FREM1: variants seen among roughly 807,000 people sequenced by gnomAD.
The protein encoded by FREM1 is FRAS1-related extracellular matrix protein 1.
In FREM1, 220 loss-of-function variants were observed where a neutral mutation model predicts 210.1. The ratio of observed to expected loss-of-function variants is 1.05; its 90% CI spans 0.94 to 1.17. FREM1 has a LOEUF of 1.17. Among genes scored for constraint, FREM1 ranks in the 50% most tolerant of loss-of-function variants. The pLI is 0.00. For synonymous variants in FREM1, 1,189 were observed against 980.2 expected (o/e 1.21, Z -3.98); for missense variants, 3,454 against 2,675.5 (o/e 1.29, Z -6.42).
intron 18 of FREM1, 44 bp downstream of exon 18, chr9:14,806,617 A>C (rs748860303): frequency 1.7e-6 from 2 of 1,145,296 alleles, no homozygotes; most frequent in Non-Finnish European, 2.6e-6. Context: ...GCTTCCATAA[A>C]TATAAGGAAG....
Position 14,746,434 on chromosome 9 carries a change from T to C in FREM1, c.6173A>G (p.His2058Arg), listed in dbSNP as rs984276492. 6.2e-7 allele frequency: 1 copy of C among 1,613,882 alleles called. No homozygotes were observed. The highest frequency in any genetic ancestry group is 1.1e-5 in the South Asian group (1 of 91,080). ...GATGTGACAGTAGCCTGAGTGCTGG[T>C]GCCACCCGGCTGGACAGGATTTGTC... The part of the protein sequence containing the change: ...VEDKSCPAGW[H>R]QHSGYCHILI... Residue 2058 changes from histidine to arginine, a missense_variant, in exon 35 of 37, where the codon CAC becomes CGC. Coordinates refer to ENST00000380880, the MANE Select transcript of FREM1 (RefSeq NM_001379081.2).
At position 14,747,122 on chromosome 9, in the gene FREM1, T is replaced by C. The variant is rs1171627435; in HGVS notation, c.6010-71A>G. ...AAAGTTGCTCACACATTCACCTCCTTTGGGTCTTCATTTGTTGGGAAGCAT... is the reference window on the plus strand; with the variant it reads ...AAAGTTGCTCACACATTCACCTCCTCTGGGTCTTCATTTGTTGGGAAGCAT... On this transcript the variant is annotated intron_variant, in intron 33 of 36. Transcript: ENST00000380880. 11 of 1,602,382 alleles carry C rather than the reference T, an allele frequency of 6.9e-6. No individual in the cohort carries two copies. The African/African-American group carries it at 1.5e-4, about 21-fold the overall frequency.
At chr9:14,900,298 T>C (rs1482410249) in intron 1 of FREM1, among the ~76,000 whole-genome samples, 2 of 152,186 alleles carry the variant, frequency 1.3e-5, no homozygotes, top group African/African-American at 4.8e-5. Context: ...CTCCAGGTGA[T>C]TCTAATGAGC....
intron 34 of FREM1, 67 bp from the exon 35 acceptor site, chr9:14,746,535 G>A: frequency 2.5e-6 from 3 of 1,187,684 alleles, no homozygotes; most frequent in Admixed American, 1.7e-5. Flanking sequence ...TCAGCATAAG[G>A]AGTCCTACGA....
chr9:14,817,890 A>G (rs1820589234), intron 14 of FREM1, among the ~76,000 whole-genome samples: 1 of 152,096 alleles, frequency 6.6e-6, no homozygotes, highest in Non-Finnish European at 1.5e-5. Flanking sequence ...TCAAAACTAT[A>G]TTGGTGAGTG....
chr9:14,816,356 C>T (rs554817826), intron 15 of FREM1, among the ~76,000 whole-genome samples: 5 of 152,070 alleles, frequency 3.3e-5, no homozygotes, highest in Admixed American at 2.0e-4. Context: ...CTTTGGAGGC[C>T]GTAGGTTTCA....
At chr9:14,811,458 C>G (rs1215879455) in intron 16 of FREM1, among the ~76,000 whole-genome samples, 3 of 152,114 alleles carry the variant, frequency 2.0e-5, no homozygotes, top group African/African-American at 7.2e-5. Flanking sequence ...CCTTTTCTGC[C>G]AGTCTATTTC....
At chr9:14,864,329 C>T (rs1466884969) in intron 2 of FREM1, among the ~76,000 whole-genome samples, 1 of 152,172 alleles carries the variant, frequency 6.6e-6, no homozygotes, top group Non-Finnish European at 1.5e-5. Context: ...CACAAACACA[C>T]TGTATTCTTT....
chr9:14,893,365 C>T (rs1837199198), intron 1 of FREM1, among the ~76,000 whole-genome samples: 1 of 152,166 alleles, frequency 6.6e-6, no homozygotes, highest in South Asian at 2.1e-4. Flanking sequence ...GAATGCGGGC[C>T]TAGGACCCCA....
intron 4 of FREM1, among the ~76,000 whole-genome samples, chr9:14,857,951 C>T (rs1024785280): frequency 6.6e-6 from 1 of 152,136 alleles, no homozygotes; most frequent in Non-Finnish European, 1.5e-5. Context: ...GACCAGTTGT[C>T]TCATCGTGCC....
chr9:14,769,950 T>C (rs1028595746), intron 26 of FREM1, 82 bp from the exon 27 acceptor site: 3 of 660,296 alleles, frequency 4.5e-6, no homozygotes, highest in Non-Finnish European at 4.9e-6. Flanking sequence ...GGCTATTTTA[T>C]TTTAAACACA....
At chr9:14,828,679 T>A (rs1482981195) in intron 10 of FREM1, among the ~76,000 whole-genome samples, 1 of 151,870 alleles carries the variant, frequency 6.6e-6, no homozygotes, top group Admixed American at 6.6e-5. Flanking sequence ...ATGGCTTATT[T>A]ATGTATAAAT....
At chr9:14,744,488 T>C (rs1466414147) in intron 35 of FREM1, among the ~76,000 whole-genome samples, 1 of 152,106 alleles carries the variant, frequency 6.6e-6, no homozygotes, top group African/African-American at 2.4e-5. Flanking sequence ...TGCAATCATA[T>C]AATAAGTATT....
At chr9:14,757,840 C>A (rs1430260479) in intron 28 of FREM1, among the ~76,000 whole-genome samples, 2 of 152,178 alleles carry the variant, frequency 1.3e-5, no homozygotes, top group African/African-American at 2.4e-5. Context: ...AAGGGGATTA[C>A]CTTCCTAAGC....
chr9:14,816,011 A>C (rs1186387607), intron 15 of FREM1, among the ~76,000 whole-genome samples: 1 of 152,054 alleles, frequency 6.6e-6, no homozygotes, highest in Non-Finnish European at 1.5e-5. Context: ...TTAAATCCTC[A>C]TGCTAGGACT....
intron 10 of FREM1, among the ~76,000 whole-genome samples, chr9:14,835,592 A>G (rs1354754434): frequency 6.6e-6 from 1 of 152,172 alleles, no homozygotes; most frequent in Non-Finnish European, 1.5e-5. Context: ...GGAAGCTATG[A>G]GTTTATCTTG....
intron 30 of FREM1, 129 bp from the exon 31 acceptor site, chr9:14,748,768 T>G: frequency 1.5e-6 from 1 of 646,400 alleles, no homozygotes; most frequent in East Asian, 2.5e-5. Context: ...GATGTTGCCT[T>G]TTTGCCATTT....
At chr9:14,782,074 C>G (rs956694287) in intron 24 of FREM1, among the ~76,000 whole-genome samples, 2 of 152,212 alleles carry the variant, frequency 1.3e-5, no homozygotes, top group African/African-American at 4.8e-5. Context: ...CTATTGATGG[C>G]TAGTCCTGAC....
At chr9:14,776,377 T>C (rs1052857925) in intron 24 of FREM1, 174 bp from the exon 25 acceptor site, 1 of 611,866 alleles carries the variant, frequency 1.6e-6, no homozygotes, top group Admixed American at 3.5e-5. Flanking sequence ...GTCACTAGAG[T>C]AATGCATAAA....
Sources: allele counts gnomAD v4.1 joint callset (sites outside exome capture counted in the v4.1 genomes callset), GRCh38; gene constraint gnomAD v4.1.1; transcripts MANE v1.5; gene names NCBI Gene and HGNC (gene_info 2026-07-23, HGNC 2026-07-21).